The following GINS4 variants were observed in gnomAD, a reference collection of about 807,000 sequenced individuals.
The protein encoded by GINS4 is GINS complex subunit 4.
A neutral mutation model predicts 31.1 loss-of-function variants in GINS4; 20 were observed. The ratio of observed to expected loss-of-function variants is 0.64; its 90% CI spans 0.45 to 0.93. The LOEUF (loss-of-function observed/expected upper bound fraction) is 0.93, where lower values mean the gene tolerates loss of function less well. GINS4 is among the 40% of genes least tolerant of loss of function. The pLI, the probability that GINS4 is intolerant of heterozygous loss-of-function variation, is 0.00. For missense variants in GINS4, 245 were observed against 273.9 expected (o/e 0.89, Z 0.75); for synonymous variants, 85 against 97.9 (o/e 0.87, Z 0.78).
chr8:41,536,913 C>T (rs1191811449), intron 3 of GINS4, among the ~76,000 whole-genome samples: 2 of 152,118 alleles, frequency 1.3e-5, no homozygotes, highest in Non-Finnish European at 2.9e-5. Context: ...CTTTTTAGAC[C>T]CAATGGAAGT....
In GINS4 at chr8:41,539,970, C is replaced by T; in HGVS notation, c.450C>T (p.Pro150=). 1 of 1,614,166 alleles carries T rather than the reference C, an allele frequency of 6.2e-7. No homozygotes were observed. The highest frequency in any genetic ancestry group is 8.5e-7 in the Non-Finnish European group (1 of 1,180,004). ...YLKNVALKHM[P]PNLQKVDLFR... is the part of the protein sequence containing the mutation. ...AAAATGTCGCCTTGAAGCACATGCCCCCTAACTTACAGAAGGTGGACCTCT... is the reference window on the plus strand; with the variant it reads ...AAAATGTCGCCTTGAAGCACATGCCTCCTAACTTACAGAAGGTGGACCTCT... Residue 150 remains proline (P), a synonymous_variant, in exon 6 of 8, where the codon CCC becomes CCT. Transcript: ENST00000276533.
Position 41,539,770 on chromosome 8 carries a change from C to CAGAG in GINS4, c.393_395+1dup, listed in dbSNP as rs1321640171. ...TCTCGCCGGAAGAGTTGGCCTTTGC[C>CAGAG]AGAGAGTGAGTGAGTGAGCCGTTGG... On this transcript the variant is annotated frameshift_variant, in exon 5 of 8. Transcript: ENST00000276533. LOFTEE classifies it high-confidence loss of function. 1.2e-6 allele frequency: 2 copies of CAGAG among 1,613,664 alleles called. No homozygotes were observed. The highest frequency in any genetic ancestry group is 2.7e-5 in the African/African-American group (2 of 74,918).
chr8:41,531,652 A>T (rs1241615930), intron 2 of GINS4, among the ~76,000 whole-genome samples: 1 of 152,192 alleles, frequency 6.6e-6, no homozygotes, highest in Non-Finnish European at 1.5e-5. Context: ...CTTTCATCCC[A>T]CAATAACGCA....
intron 4 of GINS4, chr8:41,537,554 G>T: frequency 2.6e-6 from 1 of 382,206 alleles, no homozygotes; most frequent in Non-Finnish European, 4.8e-6. Flanking sequence ...TCCCCCTTGC[G>T]TTACAGCATG....
At chr8:41,529,417 C>T (rs1051982033) in intron 1 of GINS4, 21 bp downstream of exon 1, 7 of 152,410 alleles carry the variant, frequency 4.6e-5, no homozygotes, top group African/African-American at 1.4e-4. Context: ...AATGGGACCT[C>T]TGTGGCTAGG....
intron 6 of GINS4, 45 bp downstream of exon 6, chr8:41,540,049 T>C: frequency 7.7e-7 from 1 of 1,292,972 alleles, no homozygotes. Context: ...CATCCTCAGG[T>C]GTCCCAGGGT....
intron 6 of GINS4, 68 bp from the exon 7 acceptor site, chr8:41,541,741 C>G (rs1806844232): frequency 7.9e-7 from 1 of 1,265,338 alleles, no homozygotes; most frequent in Admixed American, 1.7e-5. Context: ...CCATTCTTCC[C>G]AGCAACTTTT....
intron 6 of GINS4, 48 bp from the exon 7 acceptor site, chr8:41,541,761 A>G: frequency 6.7e-7 from 1 of 1,485,888 alleles, no homozygotes; most frequent in Non-Finnish European, 9.4e-7. Context: ...TACTTTGTTG[A>G]CTTTGTTGGC....
chr8:41,537,322 G>A, intron 4 of GINS4, 29 bp downstream of exon 4: 21 of 1,474,524 alleles, frequency 1.4e-5, no homozygotes, highest in Non-Finnish European at 2.0e-5. Flanking sequence ...TGGAGGGATT[G>A]AGACAGCACA....
intron 5 of GINS4, 22 bp from the exon 6 acceptor site, chr8:41,539,894 G>A (rs756737483): frequency 1.2e-5 from 19 of 1,610,594 alleles, no homozygotes; most frequent in South Asian, 4.4e-5. Flanking sequence ...ACACCACAGC[G>A]ATTTGAATCC....
intron 2 of GINS4, among the ~76,000 whole-genome samples, chr8:41,532,668 C>A (rs1386748440): frequency 6.6e-6 from 1 of 151,974 alleles, no homozygotes; most frequent in Admixed American, 6.6e-5. Context: ...AACCCCGTCT[C>A]TACCAAAAAT....
chr8:41,533,535 C>T (rs1806684997), intron 2 of GINS4, among the ~76,000 whole-genome samples: 1 of 152,210 alleles, frequency 6.6e-6, no homozygotes, highest in Non-Finnish European at 1.5e-5. Context: ...AAGTGACCCG[C>T]CACCTGCACG....
Sources: gnomAD v4.1 joint callset for allele counts (sites outside exome capture counted in the v4.1 genomes callset) on GRCh38, gnomAD v4.1.1 for gene constraint, MANE v1.5 for transcripts, NCBI Gene and HGNC (gene_info 2026-07-23, HGNC 2026-07-21) for gene names.